Variants in SST observed in about 807,000 individuals in gnomAD.
SST encodes the protein growth hormone release-inhibiting factor.
A neutral mutation model predicts 10.4 loss-of-function variants in SST; 7 were observed. That is an observed-to-expected ratio of 0.67 (90% CI 0.38 to 1.26). SST has a LOEUF of 1.26. Ranked by LOEUF, SST falls within the 50% of genes most tolerant of loss-of-function variation. SST has a pLI of 0.02. For synonymous variants in SST, 63 were observed against 63.9 expected, an observed-to-expected ratio of 0.99 and a Z score of 0.07; for missense variants, 145 against 140.8, an observed-to-expected ratio of 1.03 and a Z score of -0.15.
At chr3:187,669,411 G>C in intron 1 of SST, 134 bp from the exon 2 acceptor site, 1 of 774,956 alleles carries the variant, frequency 1.3e-6, no homozygotes, top group African/African-American at 1.7e-5. Flanking sequence ...CGCATTTTTT[G>C]TCACATTTAA....
chr3:187,670,040 A>G (rs1380693111), intron 1 of SST, 114 bp downstream of exon 1: 2 of 1,199,970 alleles, frequency 1.7e-6, no homozygotes, highest in Non-Finnish European at 2.3e-6. Context: ...GGACCCAGAA[A>G]AGCACCAAAA....
intron 1 of SST, among the ~76,000 whole-genome samples, chr3:187,669,623 A>C (rs920475253): frequency 1.3e-5 from 2 of 152,016 alleles, no homozygotes; most frequent in Non-Finnish European, 2.9e-5. Context: ...GTGTGCCAAC[A>C]GTTTAATTCA....
rs773890119 is a variant in SST at position 187,670,132 on chromosome 3, G to A, written c.138+22C>T. Reference sequence around the variant, plus strand: ...TTAGGGAGGGCTGGAGAATCCGGGAGACGTCGAGGGAGTCTCCTTACCTGC... The same window carrying A: ...TTAGGGAGGGCTGGAGAATCCGGGAAACGTCGAGGGAGTCTCCTTACCTGC... On this transcript the variant is annotated intron_variant, in intron 1 of 1. Transcript: ENST00000287641. 4.4e-6 allele frequency: 7 copies of A among 1,573,582 alleles called. No homozygotes were observed. The Admixed American group carries it at 1.3e-4, about 29-fold the overall frequency.
In SST at chr3:187,669,163, C is replaced by T. The variant is rs1717177702; in HGVS notation, c.253G>A (p.Glu85Lys). Residue 85 changes from glutamate (E) to lysine (K), a missense_variant, in exon 2 of 2, where the codon GAG (glutamate) becomes AAG (lysine). Glu to Lys is a moderately conservative substitution (Grantham distance 56). Transcript: ENST00000287641. ...QAAEQDEMRLELQRSANSNPA... is the reference protein window; with the variant it reads ...QAAEQDEMRLKLQRSANSNPA... ...TTTGAGTTAGCAGATCTCTGCAGCT[C>T]AAGCCTCATTTCATCCTGCTCAGCA... 3.1e-6 allele frequency: 5 copies of T among 1,613,862 alleles called. No individual in the cohort carries two copies. The highest frequency in any genetic ancestry group is 4.2e-6 in the Non-Finnish European group (5 of 1,180,020).
In SST at chr3:187,670,223, G is replaced by A. The variant is rs11544862; in HGVS notation, c.69C>T (p.Thr23=). Residue 23 remains threonine (T), a synonymous_variant, in exon 1 of 2, where the codon ACC becomes ACT. Coordinates refer to ENST00000287641, the MANE Select transcript of SST (RefSeq NM_001048.4). ...GGAGTCTGGGGTCCGAGGGAGCGCC[G>A]GTGACACAGCCCAGGGCCAGGACGA... is the stretch of plus-strand genomic sequence containing the variant. The part of the protein sequence containing the change: ...LSIVLALGCV[T]GAPSDPRLRQ... 15 of 1,595,840 alleles carry A rather than the reference G, an allele frequency of 9.4e-6. No homozygotes were observed. The highest frequency in any genetic ancestry group is 1.7e-5 in the Admixed American group (1 of 57,158).
chr3:187,669,334 A>G, intron 1 of SST, 57 bp from the exon 2 acceptor site: 1 of 1,519,500 alleles, frequency 6.6e-7, no homozygotes, highest in South Asian at 1.1e-5. Flanking sequence ...AGGACAATGG[A>G]AAAAATTTGA....
At position 187,669,038 on chromosome 3, in the gene SST, T is replaced by C. The variant is rs763830523; in HGVS notation, c.*27A>G. 2 of 1,611,016 alleles carry C rather than the reference T, an allele frequency of 1.2e-6. No homozygotes were observed. The highest frequency in any genetic ancestry group is 1.7e-6 in the Non-Finnish European group (2 of 1,177,322). On this transcript the variant is annotated 3_prime_UTR_variant, in exon 2 of 2. Transcript: ENST00000287641. ...GTGTGGGGGCGAGGGATCAGAGGTC[T>C]GATATGGACAATACTAGTTAAGAAA...
In SST at chr3:187,669,229, T is replaced by C. The variant is rs747541189; in HGVS notation, c.187A>G (p.Thr63Ala). The C allele has an allele frequency of 6.2e-7, 1 of 1,613,926 alleles. No individual in the cohort carries two copies. ...TCAGGTTCCAGGGCATCATTCTCCG[T>C]CTGGTTGGGTTCAGACAGCAGCTCT... ...LAELLSEPNQ[T>A]ENDALEPEDL... Residue 63 changes from threonine to alanine, a missense_variant, in exon 2 of 2, where the codon ACG becomes GCG. Thr to Ala is a moderately conservative substitution (Grantham distance 58, BLOSUM62 0). Coordinates refer to ENST00000287641, the MANE Select transcript of SST (RefSeq NM_001048.4).
intron 1 of SST, 126 bp from the exon 2 acceptor site, chr3:187,669,403 C>T: frequency 1.3e-6 from 1 of 799,376 alleles, no homozygotes; most frequent in Non-Finnish European, 2.0e-6. Flanking sequence ...TACAGCTGCG[C>T]ATTTTTTGTC....
At chr3:187,669,402 G>A (rs1394932079) in intron 1 of SST, 125 bp from the exon 2 acceptor site, 18 of 832,920 alleles carry the variant, frequency 2.2e-5, no homozygotes, top group Middle Eastern at 3.6e-4. Flanking sequence ...TTACAGCTGC[G>A]CATTTTTTGT....
At chr3:187,669,543 C>CACACACACACGCACAA in intron 1 of SST, among the ~76,000 whole-genome samples, 1 of 139,980 alleles carries the variant, frequency 7.1e-6, no homozygotes, top group Admixed American at 7.1e-5. Context: ...CACACACACA[C>CACACACACACGCACAA]ACACACACAC....
chr3:187,670,247 G>A lies in SST; in HGVS notation c.45C>T (p.Ile15=). 6.3e-7 allele frequency: 1 copy of A among 1,594,772 alleles called. No individual in the cohort carries two copies. The highest frequency in any genetic ancestry group is 8.5e-7 in the Non-Finnish European group (1 of 1,170,698). Residue 15 remains isoleucine, a synonymous_variant, in exon 1 of 2, where the codon ATC becomes ATT. Transcript: ENST00000287641. ...CGGTGACACAGCCCAGGGCCAGGAC[G>A]ATGGACAGCGCAGCCAGCGCGCACT... The part of the protein sequence containing the change: ...RLQCALAALS[I]VLALGCVTGA...
chr3:187,670,148 C>T lies in SST; in HGVS notation c.138+6G>A, dbSNP rs1471323890. ...AATCCGGGAGACGTCGAGGGAGTCT[C>T]CTTACCTGCTTCCCCGCGGCAGCAG... On this transcript the variant is annotated splice_donor_region_variant and intron_variant, in intron 1 of 1. Transcript: ENST00000287641. 1.9e-6 allele frequency: 3 copies of T among 1,583,378 alleles called. No homozygotes were observed. The highest frequency in any genetic ancestry group is 1.3e-5 in the African/African-American group (1 of 74,296).
Position 187,668,980 on chromosome 3 carries a change from T to G in SST, c.*85A>C. 7.8e-7 allele frequency: 1 copy of G among 1,277,396 alleles called. No individual in the cohort carries two copies. Among genetic ancestry groups the G allele is most frequent in the South Asian group, 1.2e-5 (1 of 83,604 alleles). The allele number at this position is 1,277,396 out of a possible 1,614,324, so 79.1% of individuals were successfully genotyped here. ...TCAGTTTCTAATGCAAGGGTCTCGC[T>G]GAAGACTTGGAGGATTAGGGAAGAG... On this transcript the variant is annotated 3_prime_UTR_variant, in exon 2 of 2. Coordinates refer to ENST00000287641, the MANE Select transcript of SST (RefSeq NM_001048.4).
intron 1 of SST, among the ~76,000 whole-genome samples, chr3:187,669,701 G>C (rs1717193304): frequency 6.6e-6 from 1 of 152,162 alleles, no homozygotes; most frequent in African/African-American, 2.4e-5. Context: ...GTAGGGGAAC[G>C]AGACTTCTCA....
At position 187,669,228 on chromosome 3, in the gene SST, G is replaced by A. The variant is rs149673471; in HGVS notation, c.188C>T (p.Thr63Met). The A allele has an allele frequency of 1.7e-4, 274 of 1,613,968 alleles. No individual in the cohort carries two copies. The African/African-American group carries it at 2.2e-3, about 13-fold the overall frequency. Residue 63 changes from threonine (T) to methionine (M), a missense_variant, in exon 2 of 2, where the codon ACG (threonine) becomes ATG (methionine). Thr to Met is a moderately conservative substitution (Grantham distance 81, BLOSUM62 -1). Transcript: ENST00000287641. ...TTCAGGTTCCAGGGCATCATTCTCC[G>A]TCTGGTTGGGTTCAGACAGCAGCTC... is the stretch of plus-strand genomic sequence containing the variant. ...LAELLSEPNQ[T>M]ENDALEPEDL...
intron 1 of SST, among the ~76,000 whole-genome samples, 187 bp downstream of exon 1, chr3:187,669,966 GA>G (rs951991553): frequency 9.2e-5 from 14 of 151,906 alleles, no homozygotes; most frequent in South Asian, 6.2e-4. Flanking sequence ...TATCATGGGG[GA>G]AAAAAAGAGT....
chr3:187,670,385 A>C lies in SST; in HGVS notation c.-94T>G. On this transcript the variant is annotated 5_prime_UTR_variant, in exon 1 of 2. Transcript: ENST00000287641. Reference sequence around the variant, plus strand: ...CGATGGCTCCGAACCTCGCTCCTAAAGCGGCTTGTGTGCTCTCAACCGTCT... The same window carrying C: ...CGATGGCTCCGAACCTCGCTCCTAACGCGGCTTGTGTGCTCTCAACCGTCT... 7.0e-7 allele frequency: 1 copy of C among 1,435,076 alleles called. No homozygotes were observed. The highest frequency in any genetic ancestry group is 9.3e-7 in the Non-Finnish European group (1 of 1,072,108). The allele number at this position is 1,435,076 out of a possible 1,614,324, so 88.9% of individuals were successfully genotyped here. A position where few individuals can be genotyped will look rare whatever the true frequency, so the allele number is the denominator to read the frequency against.
chr3:187,670,099 A>T, intron 1 of SST, 55 bp downstream of exon 1: 1 of 1,545,652 alleles, frequency 6.5e-7, no homozygotes, highest in Non-Finnish European at 8.8e-7. Flanking sequence ...ATGGGGCAGG[A>T]GCAAGGCTTA....
Sources: gnomAD v4.1 joint callset for allele counts (sites outside exome capture counted in the v4.1 genomes callset) on GRCh38, gnomAD v4.1.1 for gene constraint, MANE v1.5 for transcripts, NCBI Gene and HGNC (gene_info 2026-07-23, HGNC 2026-07-21) for gene names.